The following CIB2 variants were observed in gnomAD, a reference collection of about 807,000 sequenced individuals.
CIB2 encodes the protein calcium and integrin binding family member 2.
Under a neutral mutation model 23.1 loss-of-function variants are expected in CIB2, and 19 were observed. The observed-to-expected ratio is 0.82, with a 90% confidence interval of 0.57 to 1.21. CIB2 has a LOEUF of 1.21. Among genes scored for constraint, CIB2 ranks in the 50% most tolerant of loss-of-function variants. The pLI is 0.00. For synonymous variants in CIB2, 94 were observed against 91.7 expected (o/e 1.03, Z -0.14); for missense variants, 220 against 241.5 (o/e 0.91, Z 0.59).
chr15:78,107,316 C>T lies in CIB2; in HGVS notation c.347-1382G>A, dbSNP rs555343612. ...TCCCGGTCATTGTTGGACCCTAGAG[C>T]CCAAGCTCTTGGGGTGACTCTGCCC... On this transcript the variant is annotated intron_variant, in intron 4 of 5. Coordinates refer to ENST00000258930, the MANE Select transcript of CIB2 (RefSeq NM_006383.4). Among the ~76,000 whole-genome samples the T allele has an allele frequency of 3.9e-5, 6 of 152,280 alleles. No homozygotes were observed. The East Asian group carries it at 1.2e-3, about 29-fold the overall frequency.
intron 2 of CIB2, among the ~76,000 whole-genome samples, chr15:78,113,326 A>G (rs1324575912): frequency 6.6e-6 from 1 of 152,114 alleles, no homozygotes; most frequent in Non-Finnish European, 1.5e-5. Context: ...GGAGGGGAAA[A>G]CCCCTAAACT....
At chr15:78,129,589 T>G (rs2074427198) in intron 1 of CIB2, among the ~76,000 whole-genome samples, 1 of 152,128 alleles carries the variant, frequency 6.6e-6, no homozygotes, top group African/African-American at 2.4e-5. Context: ...TTGTCCCCCT[T>G]CCCTGCTGGC....
rs1017105941 is a variant in CIB2, at chr15:78,131,404, G to C, written c.-189C>G. 76 of 231,678 alleles carry C rather than the reference G, an allele frequency of 3.3e-4. No homozygotes were observed. Among genetic ancestry groups the C allele is most frequent in the South Asian group, 1.2e-3 (7 of 5,850 alleles). The allele number at this position is 231,678 out of a possible 1,614,324, so 14.4% of individuals were successfully genotyped here. ...GCGCGGGGGTCTCGGAGGCGGGGACGGGAACCCGGAGCGGCAGCGACTCCG... is the reference window on the plus strand; with the variant it reads ...GCGCGGGGGTCTCGGAGGCGGGGACCGGAACCCGGAGCGGCAGCGACTCCG... On this transcript the variant is annotated 5_prime_UTR_variant, in exon 1 of 6. Transcript: ENST00000258930. This position sits in a 1 kb window ranked among gnomAD's most constrained non-coding sequence, Gnocchi z 5.8.
chr15:78,124,282 G>T (rs922092638), intron 1 of CIB2, among the ~76,000 whole-genome samples: 12 of 152,064 alleles, frequency 7.9e-5, no homozygotes, highest in African/African-American at 2.9e-4. Flanking sequence ...AAGGGATGAG[G>T]TCACCCAGAG....
At chr15:78,120,594 G>C (rs139365162) in intron 2 of CIB2, 21,481 of 985,284 alleles carry the variant, frequency 0.022, 228 homozygotes, top group Non-Finnish European at 0.024. Flanking sequence ...GACTGAATAG[G>C]GTGGGCTGCC....
In CIB2 at chr15:78,105,124, A is replaced by G; in HGVS notation, c.*187T>C. 1 of 742,480 alleles carries G rather than the reference A, an allele frequency of 1.3e-6. No homozygotes were observed. Among genetic ancestry groups the G allele is most frequent in the Non-Finnish European group, 2.1e-6 (1 of 469,960 alleles). The allele number at this position is 742,480 out of a possible 1,614,324, so 46.0% of individuals were successfully genotyped here. ...GCTGGACCACAGCGGGGCTGTGGGA[A>G]GGGTCCTAACCTTCACAGGCCCCCT... On this transcript the variant is annotated 3_prime_UTR_variant, in exon 6 of 6. Transcript: ENST00000258930.
intron 4 of CIB2, among the ~76,000 whole-genome samples, chr15:78,107,291 T>A (rs2074086248): frequency 6.6e-6 from 1 of 152,044 alleles, no homozygotes. Flanking sequence ...TGAGGTCACA[T>A]CCCGGTCATT....
intron 2 of CIB2, among the ~76,000 whole-genome samples, chr15:78,118,733 A>C (rs895910875): frequency 6.6e-6 from 1 of 152,144 alleles, no homozygotes; most frequent in Non-Finnish European, 1.5e-5. Flanking sequence ...GGCATATTAA[A>C]TATGTTCACA....
At position 78,109,316 on chromosome 15, in the gene CIB2, T is replaced by G; in HGVS notation, c.265A>C (p.Asn89His). 6.2e-7 allele frequency: 1 copy of G among 1,614,088 alleles called. No homozygotes were observed. Among genetic ancestry groups the G allele is most frequent in the Middle Eastern group, 1.6e-4 (1 of 6,062 alleles). The change falls in exon 4 of 6, where the codon AAC becomes CAC. Residue 89 changes from asparagine to histidine, a missense_variant. Transcript: ENST00000258930. The stretch of plus-strand genomic sequence containing the variant: ...ACGGAAAACATGTCCACAAAGTCGT[T>G]GAAAGTGAGGTTCCCCTCACCATCC... ...SEDGEGNLTF[N>H]DFVDMFSVLC...
intron 3 of CIB2, chr15:78,110,834 C>A (rs1403496598): frequency 1.5e-5 from 7 of 474,186 alleles, no homozygotes; most frequent in Admixed American, 7.0e-5. Context: ...CACAGCCAGA[C>A]AACGGGGAGA....
chr15:78,114,719 G>C (rs952882704), intron 2 of CIB2, among the ~76,000 whole-genome samples: 2 of 151,290 alleles, frequency 1.3e-5, no homozygotes, highest in African/African-American at 4.9e-5. Flanking sequence ...TGAGAGAATT[G>C]CATGAGGCCA....
At chr15:78,130,871 G>A (rs1183627637) in intron 1 of CIB2, among the ~76,000 whole-genome samples, 2 of 152,134 alleles carry the variant, frequency 1.3e-5, no homozygotes, top group Non-Finnish European at 1.5e-5. Context: ...GGCCAGATGG[G>A]CGCTGGAATG....
In CIB2 at chr15:78,123,758, C is replaced by T; in HGVS notation, c.52-19G>A. On this transcript the variant is annotated intron_variant, in intron 1 of 5. Transcript: ENST00000258930. ...TGCAGTCCTGTTGAGGGAAAACACA[C>T]AACACACAGTCAGTGTGCGGCTCCC... is the stretch of plus-strand genomic sequence containing the variant. The T allele has an allele frequency of 3.1e-6, 5 of 1,614,102 alleles. No individual in the cohort carries two copies. The highest frequency in any genetic ancestry group is 4.2e-6 in the Non-Finnish European group (5 of 1,179,954).
rs748805081 is a variant in CIB2, at chr15:78,109,400, A to G, written c.199-18T>C. 1.3e-5 allele frequency: 21 copies of G among 1,613,800 alleles called. No individual in the cohort carries two copies. The highest frequency in any genetic ancestry group is 6.6e-5 in the South Asian group (6 of 91,074). ...GGATTCTCCTGAAGAAAACACACAC[A>G]GCAATCACTGTGGGTGCAGGATAAG... On this transcript the variant is annotated intron_variant, in intron 3 of 5. Coordinates refer to ENST00000258930, the MANE Select transcript of CIB2 (RefSeq NM_006383.4).
intron 1 of CIB2, among the ~76,000 whole-genome samples, chr15:78,126,739 T>C (rs1017686809): frequency 6.6e-6 from 1 of 152,240 alleles, no homozygotes; most frequent in Non-Finnish European, 1.5e-5. Context: ...ATCTTTCTTC[T>C]CTTTCTGAAC....
intron 2 of CIB2, among the ~76,000 whole-genome samples, chr15:78,114,940 G>A (rs1302934907): frequency 2.6e-5 from 4 of 151,702 alleles, no homozygotes; most frequent in African/African-American, 9.7e-5. Flanking sequence ...ATAGCATACT[G>A]GTAAATCAAA....
chr15:78,112,798 C>T (rs1050168904), intron 2 of CIB2, among the ~76,000 whole-genome samples: 3 of 152,208 alleles, frequency 2.0e-5, no homozygotes, highest in African/African-American at 7.2e-5. Context: ...CCCAGGCCCA[C>T]CTTTATCAAG....
At position 78,117,966 on chromosome 15, in the gene CIB2, G is replaced by A. The variant is rs1233820115; in HGVS notation, c.86+5739C>T. Among the ~76,000 whole-genome samples, 3 of 152,118 alleles carry A rather than the reference G, an allele frequency of 2.0e-5. No homozygotes were observed. In the East Asian group the frequency reaches 5.8e-4, roughly 29 times the overall value. ...CCCATATATGTGCAGTTATGTGAAT[G>A]GTACCACAAGAATATTCACTGAAGT... On this transcript the variant is annotated intron_variant, in intron 2 of 5. Coordinates refer to ENST00000258930, the MANE Select transcript of CIB2 (RefSeq NM_006383.4).
intron 3 of CIB2, 91 bp from the exon 4 acceptor site, chr15:78,109,473 G>A: frequency 6.8e-7 from 1 of 1,465,932 alleles, no homozygotes; most frequent in Non-Finnish European, 9.5e-7. Flanking sequence ...TGACCCTGGA[G>A]GAGTGACCAA....
Sources: allele counts gnomAD v4.1 joint callset (sites outside exome capture counted in the v4.1 genomes callset), GRCh38; gene constraint gnomAD v4.1.1; non-coding constraint Gnocchi (gnomAD v3.1); transcripts MANE v1.5; gene names NCBI Gene and HGNC (gene_info 2026-07-23, HGNC 2026-07-21).